The following PROS1 variants were observed in gnomAD, a reference collection of about 807,000 sequenced individuals.
The protein encoded by PROS1 is vitamin K-dependent protein S.
In PROS1, 29 loss-of-function variants were observed where a neutral mutation model predicts 75.9. That is an observed-to-expected ratio of 0.38 (90% CI 0.28 to 0.52). The LOEUF is 0.52. PROS1 is among the 20% of genes least tolerant of loss of function. The pLI is 0.83. For missense variants in PROS1, 680 were observed against 810.3 expected (o/e 0.84, Z 1.95); for synonymous variants, 245 against 280.6 (o/e 0.87, Z 1.27).
chr3:93,965,586 G>A (rs1709776567), intron 1 of PROS1, among the ~76,000 whole-genome samples: 1 of 152,112 alleles, frequency 6.6e-6, no homozygotes, highest in Non-Finnish European at 1.5e-5. Context: ...AGAACACTAG[G>A]CTTGCCACCA....
At chr3:93,947,085 C>A (rs1332149632) in intron 1 of PROS1, among the ~76,000 whole-genome samples, 2 of 152,150 alleles carry the variant, frequency 1.3e-5, no homozygotes, top group Non-Finnish European at 2.9e-5. Context: ...CATCACTGGC[C>A]ATCAGCGAAA....
chr3:93,954,077 C>T (rs1014637961), intron 1 of PROS1, among the ~76,000 whole-genome samples: 5 of 151,920 alleles, frequency 3.3e-5, no homozygotes, highest in Non-Finnish European at 7.4e-5. Flanking sequence ...TAAAAGAGGA[C>T]ACACAAAAAA....
At chr3:93,905,694 C>A (rs1708664317) in intron 6 of PROS1, 90 bp downstream of exon 6, 2 of 1,427,970 alleles carry the variant, frequency 1.4e-6, no homozygotes, top group Non-Finnish European at 2.0e-6. Context: ...ACTTACATAT[C>A]ATTTTTCCAA....
chr3:93,946,815 T>A (rs954597765), intron 1 of PROS1, among the ~76,000 whole-genome samples: 4 of 144,404 alleles, frequency 2.8e-5, no homozygotes, highest in Admixed American at 1.4e-4. Flanking sequence ...TGGGATCTAA[T>A]TAAACTAAAG....
At chr3:93,953,047 A>T (rs1709532580) in intron 1 of PROS1, among the ~76,000 whole-genome samples, 1 of 152,226 alleles carries the variant, frequency 6.6e-6, no homozygotes, top group Non-Finnish European at 1.5e-5. Context: ...TGAATCCCTT[A>T]ATAGATCAAT....
intron 1 of PROS1, among the ~76,000 whole-genome samples, chr3:93,955,259 A>G (rs1037710341): frequency 6.6e-6 from 1 of 152,208 alleles, no homozygotes; most frequent in Admixed American, 6.5e-5. Context: ...TCATGCTGCT[A>G]TAAAGACACA....
chr3:93,941,795 C>T (rs1190731088), intron 1 of PROS1, among the ~76,000 whole-genome samples: 5 of 152,220 alleles, frequency 3.3e-5, no homozygotes, highest in African/African-American at 1.2e-4. Flanking sequence ...TGCCATAACA[C>T]TTTTAGAGGC....
chr3:93,946,959 G>A (rs1261545429), intron 1 of PROS1, among the ~76,000 whole-genome samples: 6 of 151,454 alleles, frequency 4.0e-5, no homozygotes, highest in Non-Finnish European at 2.9e-5. Context: ...AAGAACTTAA[G>A]CAAATTTACA....
chr3:93,935,944 C>A (rs1709175672), intron 1 of PROS1, among the ~76,000 whole-genome samples: 1 of 139,916 alleles, frequency 7.1e-6, no homozygotes, highest in Non-Finnish European at 1.5e-5. Context: ...CATAGAAACT[C>A]AAGTCCACAT....
At chr3:93,902,813 G>GT (rs900137795) in intron 6 of PROS1, among the ~76,000 whole-genome samples, 10 of 152,050 alleles carry the variant, frequency 6.6e-5, no homozygotes, top group Non-Finnish European at 1.0e-4. Flanking sequence ...TCTTTAGACA[G>GT]TTACTGGCAA....
rs769931178 is a variant in PROS1 at position 93,973,714 on chromosome 3, C to T, written c.36G>A (p.Leu12=). Residue 12 remains leucine (L), a synonymous_variant, in exon 1 of 15, where the codon CTG becomes CTA. Transcript: ENST00000394236. ...RVLGGRCGAL[L]ACLLLVLPVS... The stretch of plus-strand genomic sequence containing the variant: ...CGGGAAGCACTAGGAGGAGACACGC[C>T]AGCAGCGCCCCGCAGCGCCCACCCA... 3.7e-6 allele frequency: 6 copies of T among 1,613,990 alleles called. No homozygotes were observed. The highest frequency in any genetic ancestry group is 1.1e-5 in the South Asian group (1 of 91,064).
intron 1 of PROS1, among the ~76,000 whole-genome samples, chr3:93,953,440 A>G (rs1048944748): frequency 2.6e-5 from 4 of 152,216 alleles, no homozygotes; most frequent in African/African-American, 9.6e-5. Context: ...CAAATCAATA[A>G]ATGTAATCCA....
At chr3:93,883,598 AAAAAGAAAAAAAGAAAG>A (rs1460897962) in intron 12 of PROS1, among the ~76,000 whole-genome samples, 7 of 151,728 alleles carry the variant, frequency 4.6e-5, no homozygotes, top group Admixed American at 4.6e-4. Context: ...AGTCTCAAAA[AAAAAGAAAAAAAGAAAG>A]AAAAGAAAAA....
intron 2 of PROS1, among the ~76,000 whole-genome samples, chr3:93,924,950 T>C (rs1451774488): frequency 2.6e-5 from 4 of 152,148 alleles, no homozygotes; most frequent in African/African-American, 9.7e-5. Context: ...ATTACAGGTG[T>C]GAGCCAAGGT....
At chr3:93,962,908 C>T (rs1709727763) in intron 1 of PROS1, among the ~76,000 whole-genome samples, 1 of 152,210 alleles carries the variant, frequency 6.6e-6, no homozygotes, top group African/African-American at 2.4e-5. Context: ...AGGTTTTCTA[C>T]TATGATCTAT....
At chr3:93,920,676 C>T (rs749041758) in intron 3 of PROS1, among the ~76,000 whole-genome samples, 2 of 152,044 alleles carry the variant, frequency 1.3e-5, no homozygotes, top group Non-Finnish European at 1.5e-5. Context: ...ATGTAACCTC[C>T]AGTACTTTTC....
At chr3:93,922,894 T>C (rs1276337006) in intron 3 of PROS1, among the ~76,000 whole-genome samples, 1 of 152,196 alleles carries the variant, frequency 6.6e-6, no homozygotes, top group African/African-American at 2.4e-5. Context: ...TTTCACATGA[T>C]GGGTTGATTA....
rs570938756 is a variant in PROS1 at position 93,949,606 on chromosome 3, GA to G, written c.77-22200del. ...ATACAGAAAATATACAAATCTATAAGAAAAAAAGCTCTACTAAAAAAATAAA... is the reference window on the plus strand; with the variant it reads ...ATACAGAAAATATACAAATCTATAAGAAAAAAGCTCTACTAAAAAAATAAA... On this transcript the variant is annotated intron_variant, in intron 1 of 14. Transcript: ENST00000394236. 1.7e-3 allele frequency among the ~76,000 whole-genome samples: 251 copies of G among 151,534 alleles called. 1 individual carries two copies. Among genetic ancestry groups the G allele is most frequent in the Middle Eastern group, 6.8e-3 (2 of 294 alleles).
intron 14 of PROS1, among the ~76,000 whole-genome samples, chr3:93,876,729 T>C (rs1230692356): frequency 1.3e-5 from 2 of 152,046 alleles, no homozygotes; most frequent in African/African-American, 4.8e-5. Flanking sequence ...ATATCCTTTC[T>C]GGCTGGGATA....
Sources: allele counts gnomAD v4.1 joint callset (sites outside exome capture counted in the v4.1 genomes callset), GRCh38; gene constraint gnomAD v4.1.1; transcripts MANE v1.5; gene names NCBI Gene and HGNC (gene_info 2026-07-23, HGNC 2026-07-21).